Variants in FBXO8 observed in about 807,000 individuals in gnomAD.
FBXO8 encodes the protein F-box protein 8, also known as F-box only protein 8.
In FBXO8, 15 loss-of-function variants were observed where a neutral mutation model predicts 33.4. The observed-to-expected ratio is 0.45, with a 90% CI of 0.30 to 0.69. The LOEUF (loss-of-function observed/expected upper bound fraction) is 0.69. Ranked by LOEUF, FBXO8 falls within the 30% of genes least tolerant of loss-of-function variation. FBXO8 has a pLI of 0.08. For synonymous variants in FBXO8, 132 were observed against 131.5 expected, an observed-to-expected ratio of 1.00 and a Z score of -0.02; for missense variants, 274 against 380.3, an observed-to-expected ratio of 0.72 and a Z score of 2.32.
In FBXO8 at chr4:174,267,039, T is replaced by C. The variant is rs1387042666; in HGVS notation, c.-8-3939A>G. On this transcript the variant is annotated intron_variant, in intron 1 of 5. Coordinates refer to ENST00000393674, the MANE Select transcript of FBXO8 (RefSeq NM_012180.3). The surrounding 1 kb of genome is among the most constrained non-coding windows in gnomAD (Gnocchi z 4.7). ...GTAGGGCCTCTACACACAATTCACC[T>C]CCTTTAGTTATTTCATATTGTGACC... Among the ~76,000 whole-genome samples the C allele has an allele frequency of 6.6e-6, 1 of 152,224 alleles. No individual in the cohort carries two copies. The highest frequency in any genetic ancestry group is 2.4e-5 in the African/African-American group (1 of 41,464).
At position 174,261,121 on chromosome 4, in the gene FBXO8, G is replaced by C. The variant is rs907790227; in HGVS notation, c.330-1296C>G. Among the ~76,000 whole-genome samples, 1 of 151,788 alleles carries C rather than the reference G, an allele frequency of 6.6e-6. No homozygotes were observed. The highest frequency in any genetic ancestry group is 1.5e-5 in the Non-Finnish European group (1 of 67,788). On this transcript the variant is annotated intron_variant, in intron 2 of 5. Coordinates refer to ENST00000393674, the MANE Select transcript of FBXO8 (RefSeq NM_012180.3). The surrounding 1 kb of genome is among the most constrained non-coding windows in gnomAD (Gnocchi z 4.1). Reference sequence around the variant, plus strand: ...TGAAATCACTGACTCAAAACTGTAAGTATAAAAAATTGTTTAGAATATTAT... The same window carrying C: ...TGAAATCACTGACTCAAAACTGTAACTATAAAAAATTGTTTAGAATATTAT...
chr4:174,261,921 CAAAT>C lies in FBXO8; in HGVS notation c.329+839_329+842del, dbSNP rs1736573278. 6.6e-6 allele frequency among the ~76,000 whole-genome samples: 1 copy of C among 152,022 alleles called. No individual in the cohort carries two copies. Among genetic ancestry groups the C allele is most frequent in the Non-Finnish European group, 1.5e-5 (1 of 67,882 alleles). ...AAAGACCTATTTCAAGATAATAAGA[CAAAT>C]AAACTTTGGTAAAGGATGCTAGAAG... is the stretch of plus-strand genomic sequence containing the variant. On this transcript the variant is annotated intron_variant, in intron 2 of 5. Coordinates refer to ENST00000393674, the MANE Select transcript of FBXO8 (RefSeq NM_012180.3). This position sits in a 1 kb window ranked among gnomAD's most constrained non-coding sequence, Gnocchi z 4.1.
rs555422072 is a variant in FBXO8, at chr4:174,276,340, C to T, written c.-9+7070G>A. 5.3e-5 allele frequency among the ~76,000 whole-genome samples: 8 copies of T among 152,134 alleles called. No homozygotes were observed. The South Asian group carries it at 6.2e-4, about 12-fold the overall frequency. On this transcript the variant is annotated intron_variant, in intron 1 of 5. Coordinates refer to ENST00000393674, the MANE Select transcript of FBXO8 (RefSeq NM_012180.3). ...GCAACCTCTGCCTCCTGGGTTCAAG[C>T]GATTCTCCTGCCTCAGTCTCCCGAG...
chr4:174,259,694 C>T lies in FBXO8; in HGVS notation c.456+5G>A. 2 of 1,607,564 alleles carry T rather than the reference C, an allele frequency of 1.2e-6. No individual in the cohort carries two copies. Among genetic ancestry groups the T allele is most frequent in the Non-Finnish European group, 1.7e-6 (2 of 1,177,650 alleles). On this transcript the variant is annotated splice_donor_5th_base_variant and intron_variant, in intron 3 of 5. Transcript: ENST00000393674. This position sits in a 1 kb window ranked among gnomAD's most constrained non-coding sequence, Gnocchi z 4.3. ...TGGATACAAATATTCAAGTTCTTCA[C>T]TAACCTCATCTGGGTTGGCATTAAA...
chr4:174,242,375 A>G (rs898390349), intron 3 of FBXO8, among the ~76,000 whole-genome samples: 1 of 151,518 alleles, frequency 6.6e-6, no homozygotes, highest in Admixed American at 6.6e-5. Flanking sequence ...TTTTTTAAGT[A>G]ATTAGGTACC....
rs144747180 is a variant in FBXO8, at chr4:174,241,138, T to C, written c.537A>G (p.Thr179=). The change falls in exon 4 of 6, where the codon ACA becomes ACG. Residue 179 remains threonine (T), a synonymous_variant. Coordinates refer to ENST00000393674, the MANE Select transcript of FBXO8 (RefSeq NM_012180.3). This position sits in a 1 kb window ranked among gnomAD's most constrained non-coding sequence, Gnocchi z 4.2. ...EIAKFIFCTR[T]LNWKKLRIYL... is the part of the protein sequence containing the mutation. ...AGATTCTCAGTTTTTTCCAATTTAGTGTTCTTGTACAGAAGATAAACTTTG... is the reference window on the plus strand; with the variant it reads ...AGATTCTCAGTTTTTTCCAATTTAGCGTTCTTGTACAGAAGATAAACTTTG... The C allele has an allele frequency of 1.2e-6, 2 of 1,608,976 alleles. No individual in the cohort carries two copies. Among genetic ancestry groups the C allele is most frequent in the Admixed American group, 3.4e-5 (2 of 59,554 alleles).
At position 174,256,233 on chromosome 4, in the gene FBXO8, T is replaced by C. The variant is rs1022256540; in HGVS notation, c.456+3466A>G. 1 of 440,210 alleles carries C rather than the reference T, an allele frequency of 2.3e-6. No homozygotes were observed. The highest frequency in any genetic ancestry group is 2.0e-5 in the African/African-American group (1 of 49,076). 27.3% of individuals were successfully genotyped at this position (440,210 alleles called of 1,614,324 possible). ...TACTGGAAATTATGAAAAAGTAGACTTTTTACAATACTAAGCAATTATATA... is the reference window on the plus strand; with the variant it reads ...TACTGGAAATTATGAAAAAGTAGACCTTTTACAATACTAAGCAATTATATA... On this transcript the variant is annotated intron_variant, in intron 3 of 5. Coordinates refer to ENST00000393674, the MANE Select transcript of FBXO8 (RefSeq NM_012180.3). The surrounding 1 kb of genome is among the most constrained non-coding windows in gnomAD (Gnocchi z 4.6).
rs1162605047 is a variant in FBXO8 at position 174,281,782 on chromosome 4, C to T, written c.-9+1628G>A. Among the ~76,000 whole-genome samples the T allele has an allele frequency of 6.6e-6, 1 of 151,828 alleles. No homozygotes were observed. Among genetic ancestry groups the T allele is most frequent in the Non-Finnish European group, 1.5e-5 (1 of 67,978 alleles). ...TAGAGAGCTAAGTCAAGAAATTTGT[C>T]AGAAAAACAAAACAATGAGAGCAAA... is the stretch of plus-strand genomic sequence containing the variant. On this transcript the variant is annotated intron_variant, in intron 1 of 5. Transcript: ENST00000393674. The surrounding 1 kb of genome is among the most constrained non-coding windows in gnomAD (Gnocchi z 4.6).
rs755265008 is a variant in FBXO8 at position 174,281,408 on chromosome 4, A to C, written c.-9+2002T>G. On this transcript the variant is annotated intron_variant, in intron 1 of 5. Coordinates refer to ENST00000393674, the MANE Select transcript of FBXO8 (RefSeq NM_012180.3). This position sits in a 1 kb window ranked among gnomAD's most constrained non-coding sequence, Gnocchi z 4.6. The stretch of plus-strand genomic sequence containing the variant: ...ATATTTTTATCTTATATTGCTATAA[A>C]GTACTTGCACCAGCACAGTGGCTCA... 6.6e-6 allele frequency among the ~76,000 whole-genome samples: 1 copy of C among 152,230 alleles called. No individual in the cohort carries two copies. Among genetic ancestry groups the C allele is most frequent in the Non-Finnish European group, 1.5e-5 (1 of 68,042 alleles).
In FBXO8 at chr4:174,275,702, A is replaced by G. The variant is rs1736945545; in HGVS notation, c.-9+7708T>C. Among the ~76,000 whole-genome samples the G allele has an allele frequency of 1.3e-5, 2 of 152,226 alleles. No individual in the cohort carries two copies. Among genetic ancestry groups the G allele is most frequent in the African/African-American group, 2.4e-5 (1 of 41,468 alleles). On this transcript the variant is annotated intron_variant, in intron 1 of 5. Coordinates refer to ENST00000393674, the MANE Select transcript of FBXO8 (RefSeq NM_012180.3). The surrounding 1 kb of genome is among the most constrained non-coding windows in gnomAD (Gnocchi z 4.4). ...GGGTGAGCAAAGACATGGGAAGTCTACCATCATTTCACAAATAGTAACTAT... is the reference window on the plus strand; with the variant it reads ...GGGTGAGCAAAGACATGGGAAGTCTGCCATCATTTCACAAATAGTAACTAT...
rs1345132952 is a variant in FBXO8 at position 174,253,620 on chromosome 4, G to C, written c.456+6079C>G. ...ACAGATGCTTGGATGCCTTAACAAA[G>C]GCCATTTCCCTGTTTTTCATTTCTT... is the stretch of plus-strand genomic sequence containing the variant. On this transcript the variant is annotated intron_variant, in intron 3 of 5. Coordinates refer to ENST00000393674, the MANE Select transcript of FBXO8 (RefSeq NM_012180.3). This position sits in a 1 kb window ranked among gnomAD's most constrained non-coding sequence, Gnocchi z 4.5. Among the ~76,000 whole-genome samples, 1 of 152,100 alleles carries C rather than the reference G, an allele frequency of 6.6e-6. No individual in the cohort carries two copies. Among genetic ancestry groups the C allele is most frequent in the Non-Finnish European group, 1.5e-5 (1 of 68,016 alleles).
At position 174,272,080 on chromosome 4, in the gene FBXO8, A is replaced by G. The variant is rs1443930865; in HGVS notation, c.-8-8980T>C. ...TGAGTGTTCAGTGAACTAATAGCAA[A>G]TCAAAACAAAACAAAAGCAATGGGA... On this transcript the variant is annotated intron_variant, in intron 1 of 5. Transcript: ENST00000393674. The surrounding 1 kb of genome is among the most constrained non-coding windows in gnomAD (Gnocchi z 4.7). 6.6e-6 allele frequency among the ~76,000 whole-genome samples: 1 copy of G among 152,246 alleles called. No individual in the cohort carries two copies. The highest frequency in any genetic ancestry group is 1.5e-5 in the Non-Finnish European group (1 of 68,040).
In FBXO8 at chr4:174,274,139, T is replaced by G. The variant is rs1388423970; in HGVS notation, c.-9+9271A>C. Among the ~76,000 whole-genome samples the G allele has an allele frequency of 6.6e-6, 1 of 152,220 alleles. No individual in the cohort carries two copies. Among genetic ancestry groups the G allele is most frequent in the Non-Finnish European group, 1.5e-5 (1 of 68,028 alleles). ...ACCCCGTCACTGTTTATTACCTCCA[T>G]CGTTGGTCCCAGCTGCAGCTGCTCT... is the stretch of plus-strand genomic sequence containing the variant. On this transcript the variant is annotated intron_variant, in intron 1 of 5. Coordinates refer to ENST00000393674, the MANE Select transcript of FBXO8 (RefSeq NM_012180.3). This position sits in a 1 kb window ranked among gnomAD's most constrained non-coding sequence, Gnocchi z 4.0.
chr4:174,257,317 T>C lies in FBXO8; in HGVS notation c.456+2382A>G, dbSNP rs1001232724. Among the ~76,000 whole-genome samples the C allele has an allele frequency of 2.0e-5, 3 of 152,182 alleles. No individual in the cohort carries two copies. Among genetic ancestry groups the C allele is most frequent in the African/African-American group, 7.2e-5 (3 of 41,452 alleles). On this transcript the variant is annotated intron_variant, in intron 3 of 5. Coordinates refer to ENST00000393674, the MANE Select transcript of FBXO8 (RefSeq NM_012180.3). The surrounding 1 kb of genome is among the most constrained non-coding windows in gnomAD (Gnocchi z 4.3). Reference sequence around the variant, plus strand: ...TAATTTGTTTAAAAATTGGCATTCCTTTAGCAAGGAAAGACTACTTACCAT... The same window carrying C: ...TAATTTGTTTAAAAATTGGCATTCCCTTAGCAAGGAAAGACTACTTACCAT...
chr4:174,268,344 C>T (rs1258611136), intron 1 of FBXO8, among the ~76,000 whole-genome samples: 1 of 152,192 alleles, frequency 6.6e-6, no homozygotes, highest in Non-Finnish European at 1.5e-5. Flanking sequence ...TGAGGCTTAT[C>T]TAACATGTAT....
At chr4:174,238,036 C>T (rs1481291502) in intron 5 of FBXO8, among the ~76,000 whole-genome samples, 1 of 151,868 alleles carries the variant, frequency 6.6e-6, no homozygotes, top group African/African-American at 2.4e-5. Context: ...ATATAGAATG[C>T]TTTCATAAAA....
intron 1 of FBXO8, among the ~76,000 whole-genome samples, chr4:174,282,994 T>C (rs568366826): frequency 7.1e-4 from 108 of 152,338 alleles, no homozygotes; most frequent in African/African-American, 2.6e-3. Context: ...TAACTATACT[T>C]GTGTTTGCAT....
chr4:174,266,938 T>C (rs1361253897), intron 1 of FBXO8, among the ~76,000 whole-genome samples: 2 of 152,232 alleles, frequency 1.3e-5, no homozygotes, highest in Non-Finnish European at 2.9e-5. Context: ...AAAGCTTATT[T>C]AATGATACTT....
Position 174,251,895 on chromosome 4 carries a change from T to G in FBXO8, c.456+7804A>C, listed in dbSNP as rs2126424690. 6.6e-6 allele frequency among the ~76,000 whole-genome samples: 1 copy of G among 152,290 alleles called. No individual in the cohort carries two copies. The highest frequency in any genetic ancestry group is 1.9e-4 in the East Asian group (1 of 5,174). On this transcript the variant is annotated intron_variant, in intron 3 of 5. Transcript: ENST00000393674. This position sits in a 1 kb window ranked among gnomAD's most constrained non-coding sequence, Gnocchi z 4.2. ...ATATTTGGTGAGGGACTCCTCTCACTGTCATCTAGCTTCTTTTGCCCTGAT... is the reference window on the plus strand; with the variant it reads ...ATATTTGGTGAGGGACTCCTCTCACGGTCATCTAGCTTCTTTTGCCCTGAT...
Sources: allele counts gnomAD v4.1 joint callset (sites outside exome capture counted in the v4.1 genomes callset), GRCh38; gene constraint gnomAD v4.1.1; non-coding constraint Gnocchi (gnomAD v3.1); transcripts MANE v1.5; gene names NCBI Gene and HGNC (gene_info 2026-07-23, HGNC 2026-07-21).